PDE6B: variants seen among roughly 807,000 people sequenced by gnomAD.
PDE6B encodes rod cGMP-specific 3',5'-cyclic phosphodiesterase subunit beta.
Under a neutral mutation model 109.0 loss-of-function variants are expected in PDE6B, and 106 were observed. That is an observed-to-expected ratio of 0.97 (90% CI 0.83 to 1.14). PDE6B has a LOEUF of 1.14. Ranked by LOEUF, PDE6B falls within the 50% of genes most tolerant of loss-of-function variation. The pLI is 0.00. For missense variants in PDE6B, 1,193 were observed against 1,155.6 expected (o/e 1.03, Z -0.47); for synonymous variants, 490 against 471.3 (o/e 1.04, Z -0.51).
rs537125147 is a variant in PDE6B at position 639,139 on chromosome 4, T to C, written c.711+3170T>C. 4.6e-5 allele frequency among the ~76,000 whole-genome samples: 7 copies of C among 151,408 alleles called. No homozygotes were observed. In the South Asian group the frequency reaches 1.0e-3, roughly 22 times the overall value. The stretch of plus-strand genomic sequence containing the variant: ...GATTCTGGAGGGCAGTTTTGTTTTT[T>C]TGGGGGGTGTTTTTTTTTTTCTTGA... On this transcript the variant is annotated intron_variant, in intron 3 of 21. Coordinates refer to ENST00000496514, the MANE Select transcript of PDE6B (RefSeq NM_000283.4).
chr4:657,024 G>T lies in PDE6B; in HGVS notation c.1257+1G>T. The T allele has an allele frequency of 6.2e-7, 1 of 1,612,982 alleles. No individual in the cohort carries two copies. Among genetic ancestry groups the T allele is most frequent in the Non-Finnish European group, 8.5e-7 (1 of 1,179,858 alleles). ...CGAACAGGACGAGGTTCTCATGGAG[G>T]TAAGCACCTGGGCAGACGTGGTTCC... On this transcript the variant is annotated splice_donor_variant, in intron 9 of 21. Transcript: ENST00000496514. LOFTEE classifies it high-confidence loss of function.
Position 665,063 on chromosome 4 carries a change from C to T in PDE6B, c.2193+119C>T, listed in dbSNP as rs1356064921. ...GTTTGCAAGGAGCTCTGAGGGCCAC[C>T]TCGGGGCCAGGCCAGGGCGGCAAGG... On this transcript the variant is annotated intron_variant, in intron 18 of 21. Transcript: ENST00000496514. This position sits in a 1 kb window ranked among gnomAD's most constrained non-coding sequence, Gnocchi z 4.0. 4 of 912,788 alleles carry T rather than the reference C, an allele frequency of 4.4e-6. No individual in the cohort carries two copies. Among genetic ancestry groups the T allele is most frequent in the African/African-American group, 3.3e-5 (2 of 60,920 alleles). The allele number at this position is 912,788 out of a possible 1,614,324, so 56.5% of individuals were successfully genotyped here.
intron 3 of PDE6B, among the ~76,000 whole-genome samples, chr4:649,924 C>CAT (rs1735412135): frequency 6.6e-6 from 1 of 152,216 alleles, no homozygotes; most frequent in African/African-American, 2.4e-5. Context: ...CCCCCCATGT[C>CAT]AGTGGATCCC....
In PDE6B at chr4:657,333, C is replaced by T; in HGVS notation, c.1258-18C>T. 1 of 1,612,652 alleles carries T rather than the reference C, an allele frequency of 6.2e-7. No individual in the cohort carries two copies. The highest frequency in any genetic ancestry group is 8.5e-7 in the Non-Finnish European group (1 of 1,179,766). On this transcript the variant is annotated intron_variant, in intron 9 of 21. Transcript: ENST00000496514. ...CGCCGGGAGCGCTGAGCGCCAGTGA[C>T]ACTGCCATCCCCTCCAGTCCCTGAC...
chr4:653,995 G>A lies in PDE6B; in HGVS notation c.852+3G>A, dbSNP rs1179576272. 6.2e-7 allele frequency: 1 copy of A among 1,613,840 alleles called. No individual in the cohort carries two copies. The highest frequency in any genetic ancestry group is 1.1e-5 in the South Asian group (1 of 91,084). The stretch of plus-strand genomic sequence containing the variant: ...TCCTGGACATGACCAAGGAGAAGGT[G>A]AGGCTTCCGTGGCTCAGGGACCCCC... On this transcript the variant is annotated splice_donor_region_variant and intron_variant, in intron 4 of 21. Transcript: ENST00000496514.
At chr4:632,117 C>T (rs550970264) in intron 1 of PDE6B, among the ~76,000 whole-genome samples, 10 of 152,036 alleles carry the variant, frequency 6.6e-5, no homozygotes, top group African/African-American at 2.4e-4. Flanking sequence ...CATGTGGCAC[C>T]ATCTGAGGGT....
At chr4:655,142 C>A (rs1736066107) in intron 6 of PDE6B, 2 of 560,924 alleles carry the variant, frequency 3.6e-6, no homozygotes, top group South Asian at 4.0e-5. Context: ...CTGTGGACAT[C>A]CAGAGTGGAC....
At position 662,452 on chromosome 4, in the gene PDE6B, C is replaced by T; in HGVS notation, c.1723-57C>T. ...ACGCCTAGGTCATCCCAACCCCTCA[C>T]CACTCCCCACCCTGCTGGAGCCAGG... On this transcript the variant is annotated intron_variant, in intron 13 of 21. Coordinates refer to ENST00000496514, the MANE Select transcript of PDE6B (RefSeq NM_000283.4). This position sits in a 1 kb window ranked among gnomAD's most constrained non-coding sequence, Gnocchi z 4.3. 2.4e-6 allele frequency: 3 copies of T among 1,252,032 alleles called. No homozygotes were observed. The South Asian group carries it at 3.6e-5, about 15-fold the overall frequency. 77.6% of individuals were successfully genotyped at this position (1,252,032 alleles called of 1,614,324 possible).
rs116365345 is a variant in PDE6B at position 647,528 on chromosome 4, T to A, written c.712-6324T>A. ...TCTGACACTTCTGGAGGCTGTGAAG[T>A]TCCAGATGAAGGTGCTGACCAGGTT... On this transcript the variant is annotated intron_variant, in intron 3 of 21. Transcript: ENST00000496514. Among the ~76,000 whole-genome samples, 284 of 152,112 alleles carry A rather than the reference T, an allele frequency of 1.9e-3. 4 individuals are homozygous for A. The highest frequency in any genetic ancestry group is 6.6e-3 in the African/African-American group (272 of 41,394).
chr4:668,344 G>A (rs559583988), intron 21 of PDE6B, among the ~76,000 whole-genome samples: 2 of 151,864 alleles, frequency 1.3e-5, no homozygotes, highest in Non-Finnish European at 2.9e-5. Flanking sequence ...AGGCATCGTG[G>A]TCTTGCCATT....
chr4:668,548 C>G (rs1252098400), intron 21 of PDE6B, among the ~76,000 whole-genome samples: 4 of 138,022 alleles, frequency 2.9e-5, no homozygotes, highest in African/African-American at 8.5e-5. Context: ...TTCCCGCTAC[C>G]CCATGCTATT....
chr4:629,712 G>T (rs1308995998), intron 1 of PDE6B, among the ~76,000 whole-genome samples: 1 of 152,254 alleles, frequency 6.6e-6, no homozygotes, highest in East Asian at 1.9e-4. Flanking sequence ...CACGGGCTGG[G>T]TGGGAATCCG....
chr4:664,451 T>C (rs1737545954), intron 17 of PDE6B, among the ~76,000 whole-genome samples: 1 of 152,172 alleles, frequency 6.6e-6, no homozygotes, highest in Non-Finnish European at 1.5e-5. Flanking sequence ...CTGTAGCCCT[T>C]GGCAGTAACT....
At chr4:668,149 G>A in intron 21 of PDE6B, 143 bp downstream of exon 21, 1 of 787,968 alleles carries the variant, frequency 1.3e-6, no homozygotes, top group Middle Eastern at 3.9e-4. Context: ...CCACAGTGCA[G>A]GGAGAGAGGC....
At chr4:661,109 G>A (rs968827341) in intron 12 of PDE6B, 2 of 157,544 alleles carry the variant, frequency 1.3e-5, no homozygotes, top group Non-Finnish European at 2.8e-5. Context: ...AGAAGTGGGT[G>A]GATGAGTGAT....
intron 11 of PDE6B, among the ~76,000 whole-genome samples, chr4:659,324 T>C (rs1736746923): frequency 6.6e-6 from 1 of 152,210 alleles, no homozygotes; most frequent in Admixed American, 6.5e-5. Flanking sequence ...ATGTTTAGTT[T>C]TCACCGGATG....
intron 2 of PDE6B, among the ~76,000 whole-genome samples, 199 bp from the exon 3 acceptor site, chr4:635,681 G>T (rs899837187): frequency 1.3e-5 from 2 of 152,236 alleles, no homozygotes; most frequent in Non-Finnish European, 2.9e-5. Context: ...ACCTGTCTGT[G>T]TGTAAGAGAG....
intron 5 of PDE6B, 65 bp downstream of exon 5, chr4:654,219 G>A: frequency 7.1e-7 from 1 of 1,417,264 alleles, no homozygotes; most frequent in Non-Finnish European, 9.9e-7. Context: ...TCCAACTCCA[G>A]GGCAGGAGAG....
rs777693058 is a variant in PDE6B at position 625,706 on chromosome 4, T to A, written c.80T>A (p.Leu27Gln). 6.2e-7 allele frequency: 1 copy of A among 1,613,780 alleles called. No individual in the cohort carries two copies. Among genetic ancestry groups the A allele is most frequent in the Non-Finnish European group, 8.5e-7 (1 of 1,180,012 alleles). Residue 27 changes from leucine (L) to glutamine (Q), a missense_variant, in exon 1 of 22, where the codon CTG becomes CAG. Coordinates refer to ENST00000496514, the MANE Select transcript of PDE6B (RefSeq NM_000283.4). This position sits in a 1 kb window ranked among gnomAD's most constrained non-coding sequence, Gnocchi z 5.0. ...DFARQYFGKK[L>Q]SPENVAAACE... Reference sequence around the variant, plus strand: ...GCCCGCCAGTACTTTGGGAAGAAACTGAGCCCTGAGAATGTGGCCGCGGCC... The same window carrying A: ...GCCCGCCAGTACTTTGGGAAGAAACAGAGCCCTGAGAATGTGGCCGCGGCC...
Sources: allele counts gnomAD v4.1 joint callset (sites outside exome capture counted in the v4.1 genomes callset), GRCh38; gene constraint gnomAD v4.1.1; non-coding constraint Gnocchi (gnomAD v3.1); transcripts MANE v1.5; gene names NCBI Gene and HGNC (gene_info 2026-07-23, HGNC 2026-07-21).